ANKRD36C: variants seen among roughly 807,000 people sequenced by gnomAD.
The protein encoded by ANKRD36C is ankyrin repeat domain-containing protein 36C.
In ANKRD36C, 61 loss-of-function variants were observed where a neutral mutation model predicts 276.4. That is an observed-to-expected ratio of 0.22 (90% confidence interval 0.18 to 0.27). ANKRD36C has a LOEUF of 0.27. Ranked by LOEUF, ANKRD36C falls within the 10% of genes least tolerant of loss-of-function variation. ANKRD36C has a pLI of 1.00. For synonymous variants in ANKRD36C, 483 were observed against 680.1 expected (o/e 0.71, Z 4.51); for missense variants, 1,447 against 2,032.3 (o/e 0.71, Z 5.54).
At chr2:95,853,585 A>G (rs1175688683) in intron 64 of ANKRD36C, 124 bp downstream of exon 84, 117 of 969,496 alleles carry the variant, frequency 1.2e-4, no homozygotes, top group Non-Finnish European at 1.5e-4. Flanking sequence ...TAAAATTTTA[A>G]TAACATTAAT....
intron 1 of ANKRD36C, among the ~76,000 whole-genome samples, chr2:95,988,830 C>T (rs1382803411): frequency 6.6e-6 from 1 of 151,938 alleles, no homozygotes; most frequent in Non-Finnish European, 1.5e-5. Context: ...TTCCCTCTGC[C>T]TCTGAAGAGG....
chr2:95,929,050 T>G (rs1251574363), intron 26 of ANKRD36C, 22 bp downstream of exon 26: 1 of 1,601,440 alleles, frequency 6.2e-7, no homozygotes, highest in Non-Finnish European at 8.5e-7. Context: ...AACATGACAT[T>G]AGAAGTGTTT....
At chr2:95,893,482 C>T in intron 44 of ANKRD36C, 51 bp downstream of exon 64, 3 of 1,532,416 alleles carry the variant, frequency 2.0e-6, no homozygotes, top group Non-Finnish European at 2.6e-6. Context: ...GGGAAGGGAA[C>T]TTCTTATCTA....
intron 6 of ANKRD36C, among the ~76,000 whole-genome samples, chr2:95,973,486 A>T (rs1417790786): frequency 3.9e-5 from 6 of 152,238 alleles, no homozygotes. Flanking sequence ...AATTATAGAA[A>T]TATATGTAGC....
chr2:95,851,326 A>T, intron 66 of ANKRD36C, 131 bp from the exon 87 acceptor site: 1 of 753,978 alleles, frequency 1.3e-6, no homozygotes, highest in Non-Finnish European at 2.2e-6. Context: ...GAAATCCAAA[A>T]TGCTCTACAA....
In ANKRD36C at chr2:95,908,827, T is replaced by C; in HGVS notation, c.2653+3417A>G. On this transcript the variant is annotated intron_variant, in intron 42 of 66. Coordinates refer to ENST00000456556, the Ensembl canonical transcript of ANKRD36C. ...GCGTAGGCTTTGATGGCTTCTACTT[T>C]GTGTCTGGGGACTAGAACATGACAG... is the stretch of plus-strand genomic sequence containing the variant. 14 of 1,480,330 alleles carry C rather than the reference T, an allele frequency of 9.5e-6. No individual in the cohort carries two copies. The South Asian group carries it at 1.6e-4, about 17-fold the overall frequency. 91.7% of individuals were successfully genotyped at this position (1,480,330 alleles called of 1,614,324 possible).
At chr2:95,988,446 TG>T (rs1679076467) in intron 1 of ANKRD36C, among the ~76,000 whole-genome samples, 1 of 151,884 alleles carries the variant, frequency 6.6e-6, no homozygotes, top group African/African-American at 2.4e-5. Context: ...TCAGTCCTAA[TG>T]CTTCCATTTT....
chr2:95,883,644 C>G (rs991171925), intron 54 of ANKRD36C, among the ~76,000 whole-genome samples: 4 of 151,990 alleles, frequency 2.6e-5, no homozygotes, highest in Admixed American at 6.6e-5. Context: ...TCTGAACTCA[C>G]GTTTCCTCAG....
chr2:95,866,971 C>T (rs1675694379), intron 60 of ANKRD36C, among the ~76,000 whole-genome samples: 1 of 152,148 alleles, frequency 6.6e-6, no homozygotes, highest in Non-Finnish European at 1.5e-5. Flanking sequence ...GTATAAAGCT[C>T]GAGGACTGAA....
chr2:95,875,546 G>C (rs1322744906), intron 59 of ANKRD36C, among the ~76,000 whole-genome samples: 1 of 108,338 alleles, frequency 9.2e-6, no homozygotes, highest in Admixed American at 1.1e-4. Flanking sequence ...GGGGGGAGGG[G>C]GGAGGGATAG....
intron 59 of ANKRD36C, among the ~76,000 whole-genome samples, chr2:95,870,709 ACTACTCTGAG>A (rs1675788424): frequency 6.6e-6 from 1 of 152,206 alleles, no homozygotes; most frequent in Non-Finnish European, 1.5e-5. Flanking sequence ...AGATGATCAA[ACTACTCTGAG>A]CTACAGGAGG....
intron 24 of ANKRD36C, among the ~76,000 whole-genome samples, chr2:95,933,252 G>A (rs947000389): frequency 6.6e-6 from 1 of 152,310 alleles, no homozygotes; most frequent in African/African-American, 2.4e-5. Flanking sequence ...GCTTACAATT[G>A]TCTCGGCTAT....
intron 40 of ANKRD36C, 107 bp from the exon 43 acceptor site, chr2:95,912,542 G>T: frequency 6.4e-7 from 1 of 1,568,826 alleles, no homozygotes; most frequent in South Asian, 1.1e-5. Flanking sequence ...CTGTATTAGT[G>T]GAGGCTTTGA....
chr2:95,892,976 A>T (rs1189933974), intron 44 of ANKRD36C, among the ~76,000 whole-genome samples: 1 of 150,592 alleles, frequency 6.6e-6, no homozygotes, highest in Non-Finnish European at 1.5e-5. Context: ...TTTTTTATTA[A>T]AATATTCCAA....
chr2:95,964,735 A>T (rs889182576), intron 6 of ANKRD36C, among the ~76,000 whole-genome samples: 2 of 151,868 alleles, frequency 1.3e-5, no homozygotes, highest in Non-Finnish European at 2.9e-5. Flanking sequence ...ACATCATATT[A>T]TGAGTTATTA....
At chr2:95,892,130 G>T (rs987210456) in intron 44 of ANKRD36C, among the ~76,000 whole-genome samples, 5 of 151,530 alleles carry the variant, frequency 3.3e-5, no homozygotes, top group Admixed American at 1.3e-4. Flanking sequence ...ATATCAACGT[G>T]GATATGTCGA....
At chr2:95,898,057 T>G (rs1216493195) in intron 44 of ANKRD36C, among the ~76,000 whole-genome samples, 1 of 149,044 alleles carries the variant, frequency 6.7e-6, no homozygotes, top group Non-Finnish European at 1.5e-5. Flanking sequence ...CCATATGGTG[T>G]AATAATCTGC....
In ANKRD36C at chr2:95,884,085, T is replaced by A; in HGVS notation, c.3265+88A>T. ...GTCTGCAGAATCAGAATGTGCAGCT[T>A]CGACGAGCCCTCCGTTGATTTATTT... On this transcript the variant is annotated intron_variant, in intron 54 of 66. Transcript: ENST00000456556. The A allele has an allele frequency of 2.8e-6, 4 of 1,425,062 alleles. No homozygotes were observed. In the East Asian group the frequency reaches 7.4e-5, roughly 26 times the overall value. 88.3% of individuals were successfully genotyped at this position (1,425,062 alleles called of 1,614,324 possible). A position where few individuals can be genotyped will look rare whatever the true frequency, so the allele number is the denominator to read the frequency against.
rs1218018665 is a variant in ANKRD36C at position 95,896,370 on chromosome 2, A to C, written c.2755+2775T>G. ...TTAATCAGTTTTTCATTCAGAAATC[A>C]CTGCAATATTCATTGAAAATGACCA... On this transcript the variant is annotated intron_variant, in intron 44 of 66. Transcript: ENST00000456556. 2.7e-5 allele frequency among the ~76,000 whole-genome samples: 4 copies of C among 148,578 alleles called. 1 individual carries two copies. Among genetic ancestry groups the C allele is most frequent in the African/African-American group, 9.9e-5 (4 of 40,418 alleles).
Sources: allele counts gnomAD v4.1 joint callset (sites outside exome capture counted in the v4.1 genomes callset), GRCh38; gene constraint gnomAD v4.1.1; transcripts MANE v1.5; gene names NCBI Gene and HGNC (gene_info 2026-07-23, HGNC 2026-07-21).